ANKFN1: variants seen among roughly 807,000 people sequenced by gnomAD.
ANKFN1 encodes ankyrin repeat and fibronectin type-III domain-containing protein 1.
A neutral mutation model predicts 108.7 loss-of-function variants in ANKFN1; 74 were observed. The ratio of observed to expected loss-of-function variants is 0.68; its 90% CI spans 0.56 to 0.83. The LOEUF is 0.83. ANKFN1 is among the 40% of genes least tolerant of loss of function. ANKFN1 has a pLI of 0.00. For missense variants in ANKFN1, 1,505 were observed against 1,382.3 expected, an observed-to-expected ratio of 1.09 and a Z score of -1.41; for synonymous variants, 547 against 516.2, an observed-to-expected ratio of 1.06 and a Z score of -0.81.
At chr17:56,298,388 T>G (rs774251739) in intron 3 of ANKFN1, among the ~76,000 whole-genome samples, 8 of 152,254 alleles carry the variant, frequency 5.3e-5, no homozygotes, top group African/African-American at 1.2e-4. Context: ...ATAATAGTTA[T>G]CATGTATTTC....
chr17:56,421,560 C>A (rs1305213675), intron 8 of ANKFN1, among the ~76,000 whole-genome samples: 1 of 152,128 alleles, frequency 6.6e-6, no homozygotes, highest in Non-Finnish European at 1.5e-5. Flanking sequence ...GCTTTGTCTG[C>A]CTAGGAAAAA....
intron 3 of ANKFN1, among the ~76,000 whole-genome samples, chr17:56,280,263 G>A (rs907803774): frequency 1.3e-5 from 2 of 152,118 alleles, no homozygotes; most frequent in African/African-American, 4.8e-5. Flanking sequence ...AATTGAATCA[G>A]TAGACTGAGT....
chr17:56,380,494 C>T (rs1359057437), intron 8 of ANKFN1, among the ~76,000 whole-genome samples: 3 of 152,182 alleles, frequency 2.0e-5, no homozygotes, highest in South Asian at 2.1e-4. Context: ...TTGCCTCACT[C>T]GGGAAGCACA....
chr17:56,329,154 A>G (rs1260997866), intron 4 of ANKFN1, among the ~76,000 whole-genome samples: 2 of 152,114 alleles, frequency 1.3e-5, no homozygotes, highest in African/African-American at 2.4e-5. Flanking sequence ...GTTAAAGTCT[A>G]TGATTCTTAT....
At chr17:56,217,071 G>C (rs1915476000) in intron 2 of ANKFN1, among the ~76,000 whole-genome samples, 1 of 152,124 alleles carries the variant, frequency 6.6e-6, no homozygotes, top group African/African-American at 2.4e-5. Context: ...CCCACATCAG[G>C]ACTTTAGGAC....
intron 4 of ANKFN1, among the ~76,000 whole-genome samples, chr17:56,142,844 G>A (rs568495450): frequency 4.6e-5 from 7 of 152,064 alleles, no homozygotes; most frequent in African/African-American, 9.6e-5. Context: ...TCTCCAATGC[G>A]AACTAACTTC....
intron 3 of ANKFN1, among the ~76,000 whole-genome samples, chr17:56,250,428 C>T (rs1218986921): frequency 6.6e-6 from 1 of 152,122 alleles, no homozygotes; most frequent in Non-Finnish European, 1.5e-5. Context: ...GCATACTTGC[C>T]AAGAATTTAT....
intron 3 of ANKFN1, among the ~76,000 whole-genome samples, chr17:56,281,150 C>A (rs540053574): frequency 6.6e-6 from 1 of 152,284 alleles, no homozygotes; most frequent in Non-Finnish European, 1.5e-5. Flanking sequence ...TGGACTAATA[C>A]AGAGGCCTCA....
intron 3 of ANKFN1, among the ~76,000 whole-genome samples, chr17:56,304,220 C>T (rs2044752943): frequency 6.6e-6 from 1 of 152,152 alleles, no homozygotes; most frequent in South Asian, 2.1e-4. Context: ...TATAATTTTA[C>T]ATTTCAAAAA....
chr17:56,443,543 A>G (rs2049185391), intron 10 of ANKFN1, among the ~76,000 whole-genome samples: 1 of 152,122 alleles, frequency 6.6e-6, no homozygotes, highest in Non-Finnish European at 1.5e-5. Context: ...CCCGCAGTGC[A>G]CACATCCACA....
At chr17:56,148,468 C>CGCTCT (rs1448585443) in intron 4 of ANKFN1, among the ~76,000 whole-genome samples, 1 of 152,174 alleles carries the variant, frequency 6.6e-6, no homozygotes, top group Admixed American at 6.5e-5. Context: ...CACATGTTTC[C>CGCTCT]GCTCTGCCAT....
intron 1 of ANKFN1, among the ~76,000 whole-genome samples, chr17:56,194,053 G>A (rs1207788761): frequency 2.6e-5 from 4 of 152,176 alleles, no homozygotes; most frequent in Non-Finnish European, 4.4e-5. Context: ...ACTAGGGAAC[G>A]AAAATTAAAG....
At chr17:56,271,245 T>C (rs1374884497) in intron 3 of ANKFN1, among the ~76,000 whole-genome samples, 1 of 152,110 alleles carries the variant, frequency 6.6e-6, no homozygotes, top group East Asian at 1.9e-4. Flanking sequence ...CTGGACTCAG[T>C]TCACCTACCT....
intron 20 of ANKFN1, among the ~76,000 whole-genome samples, chr17:56,500,963 C>T (rs1411612893): frequency 6.6e-6 from 1 of 152,056 alleles, no homozygotes; most frequent in Non-Finnish European, 1.5e-5. Flanking sequence ...TAATACAAAA[C>T]AGCAGTAGGG....
chr17:56,075,475 T>G (rs114995719), intron 4 of ANKFN1, among the ~76,000 whole-genome samples: 8 of 152,264 alleles, frequency 5.3e-5, no homozygotes, highest in Admixed American at 2.0e-4. Flanking sequence ...CATAGTGTCC[T>G]AAATTGCACA....
intron 8 of ANKFN1, among the ~76,000 whole-genome samples, chr17:56,382,396 C>A (rs543471942): frequency 6.6e-6 from 1 of 152,106 alleles, no homozygotes; most frequent in Non-Finnish European, 1.5e-5. Context: ...TAAAGACCAT[C>A]GAGGCTAGGA....
rs11290218 is a variant in ANKFN1, at chr17:56,503,135, ATT to A, written c.2644+4048_2644+4049del. Among the ~76,000 whole-genome samples the A allele has an allele frequency of 3.4e-3, 511 of 149,410 alleles. 3 individuals carry two copies. Among genetic ancestry groups the A allele is most frequent in the African/African-American group, 9.1e-3 (369 of 40,658 alleles). On this transcript the variant is annotated intron_variant, in intron 20 of 20. Transcript: ENST00000682825. ...GATATAGTGGTCACAGGCAGCAGCA[ATT>A]TTTTTTTTTTCCAATACTGCTGTTT...
chr17:56,162,036 C>T (rs1181091702), intron 1 of ANKFN1, among the ~76,000 whole-genome samples: 1 of 152,102 alleles, frequency 6.6e-6, no homozygotes, highest in Non-Finnish European at 1.5e-5. Context: ...AAGTCAAAAT[C>T]CCAGAAAAGA....
At chr17:56,264,556 T>A (rs1307676744) in intron 3 of ANKFN1, among the ~76,000 whole-genome samples, 1 of 152,218 alleles carries the variant, frequency 6.6e-6, no homozygotes. Context: ...CACACATATC[T>A]CATGTTCCCT....
Sources: gnomAD v4.1 joint callset for allele counts (sites outside exome capture counted in the v4.1 genomes callset) on GRCh38, gnomAD v4.1.1 for gene constraint, MANE v1.5 for transcripts, NCBI Gene and HGNC (gene_info 2026-07-23, HGNC 2026-07-21) for gene names.